HCN1: variants seen among roughly 807,000 people sequenced by gnomAD.
HCN1 encodes the protein potassium/sodium hyperpolarization-activated cyclic nucleotide-gated channel 1.
HCN1 carries 13 observed loss-of-function variants against 78.9 expected under a neutral mutation model. The ratio of observed to expected loss-of-function variants is 0.16; its 90% CI spans 0.11 to 0.26. The LOEUF (loss-of-function observed/expected upper bound fraction) is 0.26, where lower values mean the gene tolerates loss of function less well. Among genes scored for constraint, HCN1 ranks in the 10% least tolerant of loss-of-function variants. The probability of loss-of-function intolerance (pLI) is 1.00; values close to 1 mark genes in which losing one functional copy is unlikely to be tolerated. For missense variants in HCN1, 810 were observed against 1,154.3 expected (o/e 0.70, Z 4.32); for synonymous variants, 552 against 455.5 (o/e 1.21, Z -2.70).
At chr5:45,378,448 A>T (rs1747735531) in intron 4 of HCN1, among the ~76,000 whole-genome samples, 1 of 152,040 alleles carries the variant, frequency 6.6e-6, no homozygotes, top group South Asian at 2.1e-4. Flanking sequence ...GTTCCATGTG[A>T]GTTTGAGAAC....
chr5:45,615,679 T>C (rs925433920), intron 2 of HCN1, among the ~76,000 whole-genome samples: 4 of 151,952 alleles, frequency 2.6e-5, no homozygotes, highest in East Asian at 3.8e-4. Flanking sequence ...AGTACAGCTG[T>C]TTCTCAAAAT....
intron 5 of HCN1, among the ~76,000 whole-genome samples, chr5:45,321,346 C>A (rs977363055): frequency 2.0e-5 from 3 of 151,834 alleles, no homozygotes; most frequent in Middle Eastern, 3.4e-3. Flanking sequence ...TGTTTTATTT[C>A]TTCAACATAT....
intron 5 of HCN1, among the ~76,000 whole-genome samples, chr5:45,346,504 C>G (rs1042066362): frequency 3.3e-5 from 5 of 152,036 alleles, no homozygotes; most frequent in Admixed American, 6.6e-5. Flanking sequence ...GAGTACCAGA[C>G]AGTGGGCACA....
chr5:45,520,278 G>A (rs952710919), intron 2 of HCN1, among the ~76,000 whole-genome samples: 4 of 151,870 alleles, frequency 2.6e-5, no homozygotes, highest in Admixed American at 6.6e-5. Flanking sequence ...ATTATCTTTA[G>A]GAGCATATTG....
chr5:45,263,805 T>G (rs148349656), intron 7 of HCN1, among the ~76,000 whole-genome samples: 3,064 of 152,152 alleles, frequency 0.02, 118 homozygotes, highest in African/African-American at 0.071. Context: ...ATTTATTTAT[T>G]TTTTTGAGAC....
chr5:45,490,066 C>T (rs984324637), intron 2 of HCN1, among the ~76,000 whole-genome samples: 1 of 152,132 alleles, frequency 6.6e-6, no homozygotes, highest in African/African-American at 2.4e-5. Flanking sequence ...GCTGGAGCAG[C>T]ATCTTTACGT....
intron 2 of HCN1, among the ~76,000 whole-genome samples, chr5:45,507,210 C>T (rs992509427): frequency 3.3e-5 from 5 of 152,168 alleles, no homozygotes; most frequent in African/African-American, 1.2e-4. Flanking sequence ...GGACAACAAT[C>T]CTGTGAACGA....
intron 2 of HCN1, among the ~76,000 whole-genome samples, chr5:45,512,732 C>G (rs943738858): frequency 6.6e-6 from 1 of 151,982 alleles, no homozygotes; most frequent in Admixed American, 6.6e-5. Context: ...TGAGCACACT[C>G]TGAATCATAC....
chr5:45,374,055 TTA>T lies in HCN1; in HGVS notation c.1231-20811_1231-20810del, dbSNP rs1491198059. On this transcript the variant is annotated intron_variant, in intron 4 of 7. Transcript: ENST00000303230. Reference sequence around the variant, plus strand: ...ATATACATAATATATATTATATATATTATATATATAATATATATAATATCTAT... The same window carrying T: ...ATATACATAATATATATTATATATATTATATATAATATATATAATATCTAT... 1.1e-3 allele frequency among the ~76,000 whole-genome samples: 121 copies of T among 108,146 alleles called. 1 individual carries two copies. Among genetic ancestry groups the T allele is most frequent in the African/African-American group, 3.1e-3 (83 of 26,500 alleles). The allele number at this position is 108,146 out of a possible 152,430, so 70.9% of individuals were successfully genotyped here. A position where few individuals can be genotyped will look rare whatever the true frequency, so the allele number is the denominator to read the frequency against.
At chr5:45,271,401 C>CAG (rs1554014861) in intron 6 of HCN1, among the ~76,000 whole-genome samples, 2 of 145,176 alleles carry the variant, frequency 1.4e-5, no homozygotes, top group African/African-American at 5.1e-5. Context: ...CACACACACA[C>CAG]AGACACAGTT....
chr5:45,563,606 G>A (rs989310890), intron 2 of HCN1, among the ~76,000 whole-genome samples: 1 of 152,050 alleles, frequency 6.6e-6, no homozygotes, highest in Non-Finnish European at 1.5e-5. Context: ...ACAGTGTTAA[G>A]TATTCTCATA....
At chr5:45,617,724 C>T (rs917680822) in intron 2 of HCN1, among the ~76,000 whole-genome samples, 3 of 151,960 alleles carry the variant, frequency 2.0e-5, no homozygotes, top group Admixed American at 6.6e-5. Context: ...ATGCAGATGA[C>T]AAATTTAGGA....
intron 2 of HCN1, among the ~76,000 whole-genome samples, chr5:45,473,214 T>C (rs1741431756): frequency 6.6e-6 from 1 of 151,954 alleles, no homozygotes; most frequent in Non-Finnish European, 1.5e-5. Context: ...TTTTCTAAGT[T>C]CTATACATAA....
chr5:45,330,461 T>TAA (rs1476317299), intron 5 of HCN1, among the ~76,000 whole-genome samples: 9 of 151,080 alleles, frequency 6.0e-5, no homozygotes, highest in African/African-American at 2.2e-4. Context: ...CATATATATA[T>TAA]AATGGCAAGA....
chr5:45,508,990 A>G (rs1432101599), intron 2 of HCN1, among the ~76,000 whole-genome samples: 1 of 152,116 alleles, frequency 6.6e-6, no homozygotes, highest in African/African-American at 2.4e-5. Context: ...ATTATAGTCA[A>G]GTCTGCAAAT....
intron 2 of HCN1, among the ~76,000 whole-genome samples, chr5:45,520,942 C>G (rs1183713956): frequency 1.3e-5 from 2 of 151,612 alleles, no homozygotes; most frequent in African/African-American, 4.8e-5. Context: ...AGTCATGGCC[C>G]TGCCAAGAAA....
At chr5:45,533,311 C>T (rs1742897770) in intron 2 of HCN1, among the ~76,000 whole-genome samples, 1 of 152,098 alleles carries the variant, frequency 6.6e-6, no homozygotes, top group South Asian at 2.1e-4. Context: ...CTCATAAAAG[C>T]AAAATCATCT....
chr5:45,670,235 A>ACAAG (rs1746123477), intron 1 of HCN1, among the ~76,000 whole-genome samples: 1 of 151,668 alleles, frequency 6.6e-6, no homozygotes, highest in African/African-American at 2.4e-5. Context: ...AAACAAACAA[A>ACAAG]CAAACAAAAC....
chr5:45,346,070 C>T (rs143926854), intron 5 of HCN1, among the ~76,000 whole-genome samples: 1 of 152,144 alleles, frequency 6.6e-6, no homozygotes, highest in Admixed American at 6.6e-5. Context: ...GAAGAAGTAT[C>T]GACCAAAAGG....
Sources: gnomAD v4.1 joint callset for allele counts (sites outside exome capture counted in the v4.1 genomes callset) on GRCh38, gnomAD v4.1.1 for gene constraint, MANE v1.5 for transcripts, NCBI Gene and HGNC (gene_info 2026-07-23, HGNC 2026-07-21) for gene names.